The following PYGM variants were observed in gnomAD, a reference collection of about 807,000 sequenced individuals.
PYGM encodes the protein glycogen phosphorylase, muscle form.
In PYGM, 81 loss-of-function variants were observed where a neutral mutation model predicts 99.3. The observed-to-expected ratio is 0.82, with a 90% confidence interval of 0.68 to 0.98. PYGM has a LOEUF of 0.98. PYGM is among the 50% of genes least tolerant of loss of function. The pLI is 0.00. For missense variants in PYGM, 1,030 were observed against 1,158.1 expected, an observed-to-expected ratio of 0.89 and a Z score of 1.61; for synonymous variants, 436 against 451.5, an observed-to-expected ratio of 0.97 and a Z score of 0.44.
rs1005970498 is a variant in PYGM, at chr11:64,755,098, T to C, written c.855+175A>G. Among the ~76,000 whole-genome samples the C allele has an allele frequency of 1.3e-5, 2 of 152,046 alleles. No individual in the cohort carries two copies. The highest frequency in any genetic ancestry group is 1.5e-5 in the Non-Finnish European group (1 of 67,984). On this transcript the variant is annotated intron_variant, in intron 7 of 19. Transcript: ENST00000164139. This position sits in a 1 kb window ranked among gnomAD's most constrained non-coding sequence, Gnocchi z 4.1. ...AGTGCCCTTCGCTAACCCAGTTTCC[T>C]CAGGACTCAGGTGTCCTTGCACTCA...
chr11:64,758,043 C>T (rs933794309), intron 4 of PYGM, 133 bp from the exon 5 acceptor site: 30 of 1,447,316 alleles, frequency 2.1e-5, no homozygotes, highest in African/African-American at 1.5e-4. Context: ...CTGAGGTGGG[C>T]CCCTGGTCTG....
At position 64,757,810 on chromosome 11, in the gene PYGM, G is replaced by C. The variant is rs746956492; in HGVS notation, c.629C>G (p.Thr210Ser). 6.2e-7 allele frequency: 1 copy of C among 1,614,144 alleles called. No homozygotes were observed. Among genetic ancestry groups the C allele is most frequent in the East Asian group, 2.2e-5 (1 of 44,882 alleles). ...PVHFYGHVEHTSQGAKWVDTQ... is the reference protein window; with the variant it reads ...PVHFYGHVEHSSQGAKWVDTQ... ...GTCCACCCACTTGGCACCCTGGCTG[G>C]TGTGCTCCACATGGCCGTAGAAGTG... Residue 210 changes from threonine to serine, a missense_variant, in exon 5 of 20, where the codon ACC becomes AGC. Coordinates refer to ENST00000164139, the MANE Select transcript of PYGM (RefSeq NM_005609.4).
chr11:64,749,503 G>A (rs1440056312), intron 17 of PYGM, among the ~76,000 whole-genome samples: 8 of 151,924 alleles, frequency 5.3e-5, no homozygotes, highest in African/African-American at 1.7e-4. Flanking sequence ...TTAGCCAGGC[G>A]TGGCAGCAGG....
rs766021534 is a variant in PYGM, at chr11:64,759,785, G to A, written c.114C>T (p.Phe38=). The change falls in exon 1 of 20, where the codon TTC becomes TTT. Residue 38 remains phenylalanine (F), a synonymous_variant. Coordinates refer to ENST00000164139, the MANE Select transcript of PYGM (RefSeq NM_005609.4). ...LKKNFNRHLH[F]TLVKDRNVAT... ...CCACATTGCGGTCCTTTACGAGTGT[G>A]AAATGCAGGTGCCGGTTGAAGTTCT... 1.2e-6 allele frequency: 2 copies of A among 1,614,206 alleles called. No homozygotes were observed. The highest frequency in any genetic ancestry group is 4.5e-5 in the East Asian group (2 of 44,872).
intron 11 of PYGM, 63 bp downstream of exon 11, chr11:64,753,456 T>C: frequency 6.6e-7 from 1 of 1,517,446 alleles, no homozygotes; most frequent in South Asian, 1.2e-5. Context: ...GGGGCTTCTG[T>C]GTGACAGAGG....
In PYGM at chr11:64,754,661, G is replaced by A. The variant is rs749979144; in HGVS notation, c.999+32C>T. The A allele has an allele frequency of 3.0e-5, 48 of 1,610,690 alleles. No individual in the cohort carries two copies. The highest frequency in any genetic ancestry group is 3.6e-5 in the Non-Finnish European group (43 of 1,179,096). Reference sequence around the variant, plus strand: ...GGGAGAGGCCTAGCACACACTGTCCGGTCACAGAGTCGCCCTCCACACGCA... The same window carrying A: ...GGGAGAGGCCTAGCACACACTGTCCAGTCACAGAGTCGCCCTCCACACGCA... On this transcript the variant is annotated intron_variant, in intron 8 of 19. Coordinates refer to ENST00000164139, the MANE Select transcript of PYGM (RefSeq NM_005609.4). The surrounding 1 kb of genome is among the most constrained non-coding windows in gnomAD (Gnocchi z 5.5).
At chr11:64,758,581 G>C in intron 2 of PYGM, 22 bp downstream of exon 2, 2 of 1,613,134 alleles carry the variant, frequency 1.2e-6, no homozygotes, top group Non-Finnish European at 1.7e-6. Flanking sequence ...AGTCCCCACG[G>C]CTTGCCCCAC....
rs2135831386 is a variant in PYGM at position 64,752,481 on chromosome 11, A to G, written c.1542T>C (p.Ser514=). 6.2e-7 allele frequency: 1 copy of G among 1,614,218 alleles called. No homozygotes were observed. Among genetic ancestry groups the G allele is most frequent in the Non-Finnish European group, 8.5e-7 (1 of 1,180,018 alleles). Residue 514 remains serine (S), a synonymous_variant, in exon 13 of 20, where the codon TCT becomes TCC. Transcript: ENST00000164139. ...GCAGTTTGCGCAGCTGGTCCAGGTCAGAGATGAAGTCCTCCCCGATGCGCT... is the reference window on the plus strand; with the variant it reads ...GCAGTTTGCGCAGCTGGTCCAGGTCGGAGATGAAGTCCTCCCCGATGCGCT... ...IAERIGEDFI[S]DLDQLRKLLS...
Position 64,746,973 on chromosome 11 carries a change from G to T in PYGM, c.2327C>A (p.Ala776Glu). The T allele has an allele frequency of 6.2e-7, 1 of 1,614,174 alleles. No individual in the cohort carries two copies. The highest frequency in any genetic ancestry group is 8.5e-7 in the Non-Finnish European group (1 of 1,180,030). Residue 776 changes from alanine (A) to glutamate (E), a missense_variant, in exon 19 of 20, where the codon GCA (alanine) becomes GAA (glutamate). Coordinates refer to ENST00000164139, the MANE Select transcript of PYGM (RefSeq NM_005609.4). ...GCATTTAATGTAGTCTTCATAATCT[G>T]CGAAGACTTTAAACCTGGAGGGGAA... ...LMHHDRFKVF[A>E]DYEDYIKCQE...
Position 64,757,804 on chromosome 11 carries a change from T to A in PYGM, c.635A>T (p.Gln212Leu). The change falls in exon 5 of 20, where the codon CAG (glutamine) becomes CTG (leucine). Residue 212 changes from glutamine (Q) to leucine (L), a missense_variant. By Grantham distance (113) the Gln-to-Leu change is moderately radical. Transcript: ENST00000164139. ...CTGTGTGTCCACCCACTTGGCACCC[T>A]GGCTGGTGTGCTCCACATGGCCGTA... ...HFYGHVEHTSQGAKWVDTQVV... is the reference protein window; with the variant it reads ...HFYGHVEHTSLGAKWVDTQVV... 1 of 1,614,156 alleles carries A rather than the reference T, an allele frequency of 6.2e-7. No homozygotes were observed. Among genetic ancestry groups the A allele is most frequent in the Non-Finnish European group, 8.5e-7 (1 of 1,180,032 alleles).
chr11:64,749,767 T>C lies in PYGM; in HGVS notation c.2177+609A>G, dbSNP rs560991688. On this transcript the variant is annotated intron_variant, in intron 17 of 19. Transcript: ENST00000164139. The stretch of plus-strand genomic sequence containing the variant: ...TAACTACTGTGCCCATATTTCCCTT[T>C]TGCCCATGGCTTTCAGGGAGCAAGG... 2.6e-5 allele frequency among the ~76,000 whole-genome samples: 4 copies of C among 152,178 alleles called. No individual in the cohort carries two copies. The East Asian group carries it at 5.8e-4, about 22-fold the overall frequency.
In PYGM at chr11:64,746,667, C is replaced by T; in HGVS notation, c.2521G>A (p.Ala841Thr). The T allele has an allele frequency of 6.2e-7, 1 of 1,614,144 alleles. No homozygotes were observed. Among genetic ancestry groups the T allele is most frequent in the South Asian group, 1.1e-5 (1 of 91,092 alleles). Reference protein sequence around the residue: ...SRQRLPAPDEAI With the variant: ...SRQRLPAPDETI ...GGGTCTGGTCTGGAGGCTCAGATGGCCTCATCCGGGGCTGGCAGGCGCTGG... is the reference window on the plus strand; with the variant it reads ...GGGTCTGGTCTGGAGGCTCAGATGGTCTCATCCGGGGCTGGCAGGCGCTGG... Residue 841 changes from alanine (A) to threonine (T), a missense_variant, in exon 20 of 20, where the codon GCC (alanine) becomes ACC (threonine). Transcript: ENST00000164139.
rs943404062 is a variant in PYGM, at chr11:64,747,464, C to T, written c.2178-106G>A. On this transcript the variant is annotated intron_variant, in intron 17 of 19. Coordinates refer to ENST00000164139, the MANE Select transcript of PYGM (RefSeq NM_005609.4). ...CCCCAGGGTCAAAACCCAGGTCCAG[C>T]CTGCTGCTCCCCAGGGCTGCCACAT... 5 of 1,493,300 alleles carry T rather than the reference C, an allele frequency of 3.3e-6. No individual in the cohort carries two copies. In the African/African-American group the frequency reaches 6.9e-5, roughly 21 times the overall value. 92.5% of individuals were successfully genotyped at this position (1,493,300 alleles called of 1,614,324 possible).
chr11:64,758,600 C>T lies in PYGM; in HGVS notation c.345+3G>A, dbSNP rs1349397516. ...CCCACGGCTTGCCCCACCCCACACA[C>T]ACCTGGTAGGTGGCCTCGTCACAGG... On this transcript the variant is annotated splice_donor_region_variant and intron_variant, in intron 2 of 19. Coordinates refer to ENST00000164139, the MANE Select transcript of PYGM (RefSeq NM_005609.4). 2 of 1,613,354 alleles carry T rather than the reference C, an allele frequency of 1.2e-6. No homozygotes were observed. Among genetic ancestry groups the T allele is most frequent in the South Asian group, 1.1e-5 (1 of 91,074 alleles).
In PYGM at chr11:64,751,447, A is replaced by G; in HGVS notation, c.1847T>C (p.Met616Thr). Residue 616 changes from methionine to threonine, a missense_variant, in exon 16 of 20, where the codon ATG becomes ACG. Physicochemically the swap from Met to Thr is moderately conservative, Grantham distance 81. Transcript: ENST00000164139. ...GACGAGTCTGATGATCATCTTGGCC[A>G]TGTGGTACCCAGGTGCAGCCTGAGG... ...IGGKAAPGYH[M>T]AKMIIRLVTA... is the part of the protein sequence containing the mutation. 1 of 1,614,122 alleles carries G rather than the reference A, an allele frequency of 6.2e-7. No individual in the cohort carries two copies. Among genetic ancestry groups the G allele is most frequent in the South Asian group, 1.1e-5 (1 of 91,080 alleles).
rs371343340 is a variant in PYGM at position 64,757,821 on chromosome 11, A to T, written c.618T>A (p.His206Gln). 1.1e-5 allele frequency: 18 copies of T among 1,613,946 alleles called. No individual in the cohort carries two copies. The highest frequency in any genetic ancestry group is 1.5e-5 in the Non-Finnish European group (18 of 1,180,018). ...TGGCACCCTGGCTGGTGTGCTCCAC[A>T]TGGCCGTAGAAGTGCACAGGTAGCG... ...EFTLPVHFYG[H>Q]VEHTSQGAKW... The change falls in exon 5 of 20, where the codon CAT (histidine) becomes CAA (glutamine). Residue 206 changes from histidine (H) to glutamine (Q), a missense_variant. Coordinates refer to ENST00000164139, the MANE Select transcript of PYGM (RefSeq NM_005609.4).
chr11:64,750,947 AATGGCGTG>A (rs1210956371), intron 16 of PYGM, among the ~76,000 whole-genome samples: 3 of 152,160 alleles, frequency 2.0e-5, no homozygotes, highest in African/African-American at 7.2e-5. Flanking sequence ...GCTGAAGTGC[AATGGCGTG>A]ATCTCGGCTC....
rs758302934 is a variant in PYGM at position 64,754,849 on chromosome 11, T to A, written c.856-13A>T. Reference sequence around the variant, plus strand: ...TCCCTTCGAAGAACTGGGGACAGCATGAGGCAGCGTGAGTCAGGGCGGTGG... The same window carrying A: ...TCCCTTCGAAGAACTGGGGACAGCAAGAGGCAGCGTGAGTCAGGGCGGTGG... On this transcript the variant is annotated splice_polypyrimidine_tract_variant and intron_variant, in intron 7 of 19. Coordinates refer to ENST00000164139, the MANE Select transcript of PYGM (RefSeq NM_005609.4). The surrounding 1 kb of genome is among the most constrained non-coding windows in gnomAD (Gnocchi z 5.5). 3 of 1,613,288 alleles carry A rather than the reference T, an allele frequency of 1.9e-6. No homozygotes were observed. Among genetic ancestry groups the A allele is most frequent in the Non-Finnish European group, 2.5e-6 (3 of 1,179,920 alleles).
Position 64,746,482 on chromosome 11 carries a change from AG to A in PYGM, c.*176del. 2.3e-6 allele frequency: 2 copies of A among 858,962 alleles called. No homozygotes were observed. Among genetic ancestry groups the A allele is most frequent in the Non-Finnish European group, 3.6e-6 (2 of 552,770 alleles). The allele number at this position is 858,962 out of a possible 1,614,324, so 53.2% of individuals were successfully genotyped here. A position where few individuals can be genotyped will look rare whatever the true frequency, so the allele number is the denominator to read the frequency against. On this transcript the variant is annotated 3_prime_UTR_variant, in exon 20 of 20. Transcript: ENST00000164139. ...AGGGGACCGGGAGCCCGAGGACGGA[AG>A]GGGGCCCGTGTCCTTAGTCACGCTG...
Sources: gnomAD v4.1 joint callset for allele counts (sites outside exome capture counted in the v4.1 genomes callset) on GRCh38, gnomAD v4.1.1 for gene constraint, Gnocchi (gnomAD v3.1) non-coding constraint, MANE v1.5 for transcripts, NCBI Gene and HGNC (gene_info 2026-07-23, HGNC 2026-07-21) for gene names.